Variants in SHISA5 observed in about 807,000 individuals in gnomAD.
The protein encoded by SHISA5 is shisa family member 5.
In SHISA5, 21 loss-of-function variants were observed where a neutral mutation model predicts 27.5. The ratio of observed to expected loss-of-function variants is 0.76; its 90% CI spans 0.54 to 1.10. The LOEUF (loss-of-function observed/expected upper bound fraction) is 1.10, where lower values mean the gene tolerates loss of function less well. Ranked by LOEUF, SHISA5 falls within the 50% of genes least tolerant of loss-of-function variation. SHISA5 has a pLI of 0.00. For synonymous variants in SHISA5, 137 were observed against 142.2 expected (o/e 0.96, Z 0.26); for missense variants, 314 against 336.3 (o/e 0.93, Z 0.52).
Position 48,500,475 on chromosome 3 carries a change from A to G in SHISA5, c.233+662T>C, listed in dbSNP as rs114502322. Reference sequence around the variant, plus strand: ...CATCTCACAAAAATAAATATGTAAGATAGCGGGGGTTGGTCTTGCCCAGAC... The same window carrying G: ...CATCTCACAAAAATAAATATGTAAGGTAGCGGGGGTTGGTCTTGCCCAGAC... On this transcript the variant is annotated intron_variant, in intron 2 of 5. Transcript: ENST00000296444. Among the ~76,000 whole-genome samples, 476 of 152,260 alleles carry G rather than the reference A, an allele frequency of 3.1e-3. 2 individuals carry two copies. Among genetic ancestry groups the G allele is most frequent in the African/African-American group, 0.011 (440 of 41,546 alleles).
intron 1 of SHISA5, 72 bp downstream of exon 1, chr3:48,503,947 G>C: frequency 7.1e-7 from 1 of 1,418,324 alleles, no homozygotes; most frequent in Non-Finnish European, 9.2e-7. Context: ...TGCCCGGCTC[G>C]TTGGAGAGGC....
intron 2 of SHISA5, among the ~76,000 whole-genome samples, chr3:48,484,645 A>C (rs1157788741): frequency 6.6e-6 from 1 of 151,896 alleles, no homozygotes; most frequent in Non-Finnish European, 1.5e-5. Context: ...TAATCCCAGC[A>C]CTTTGGGAGG....
intron 1 of SHISA5, chr3:48,502,590 G>C (rs565745413): frequency 8.6e-6 from 3 of 347,322 alleles, no homozygotes; most frequent in Admixed American, 7.4e-5. Flanking sequence ...ATGACCACAA[G>C]GTTTACAAAC....
At chr3:48,478,759 AC>A (rs1489945281) in intron 3 of SHISA5, among the ~76,000 whole-genome samples, 1 of 152,056 alleles carries the variant, frequency 6.6e-6, no homozygotes, top group Non-Finnish European at 1.5e-5. Context: ...GCTTGCCAGC[AC>A]CACCATCACC....
In SHISA5 at chr3:48,470,693, G is replaced by A. The variant is rs888770993; in HGVS notation, c.315-850C>T. Among the ~76,000 whole-genome samples the A allele has an allele frequency of 6.6e-5, 10 of 152,178 alleles. No homozygotes were observed. Among genetic ancestry groups the A allele is most frequent in the Admixed American group, 5.2e-4 (8 of 15,286 alleles). On this transcript the variant is annotated intron_variant, in intron 3 of 5. Transcript: ENST00000296444. The surrounding 1 kb of genome is among the most constrained non-coding windows in gnomAD (Gnocchi z 4.3). Reference sequence around the variant, plus strand: ...TGCAATCTCAGCACTTTGGGAGGCCGAGGAGGGCGGATCACCTGAGGTGAG... The same window carrying A: ...TGCAATCTCAGCACTTTGGGAGGCCAAGGAGGGCGGATCACCTGAGGTGAG...
chr3:48,479,595 AT>A (rs1018882641), intron 2 of SHISA5: 170 of 275,574 alleles, frequency 6.2e-4, no homozygotes, highest in South Asian at 1.0e-3. Context: ...GTTTATTATA[AT>A]TTTTTTTTGT....
At chr3:48,503,924 G>A (rs1163913400) in intron 1 of SHISA5, 95 bp downstream of exon 1, 2 of 1,373,424 alleles carry the variant, frequency 1.5e-6, no homozygotes, top group African/African-American at 3.0e-5. Flanking sequence ...GGGGGGCATA[G>A]TGGGGCTGGT....
Position 48,504,084 on chromosome 3 carries a change from G to A in SHISA5, c.11C>T (p.Pro4Leu), listed in dbSNP as rs893656363. 2.1e-5 allele frequency: 29 copies of A among 1,378,390 alleles called. 1 individual carries two copies. The African/African-American group carries it at 3.8e-4, about 18-fold the overall frequency. 85.4% of individuals were successfully genotyped at this position (1,378,390 alleles called of 1,614,324 possible). The change falls in exon 1 of 6, where the codon CCG (proline) becomes CTG (leucine). Residue 4 changes from proline (P) to leucine (L), a missense_variant. Physicochemically the swap from Pro to Leu is moderately conservative, Grantham distance 98. Coordinates refer to ENST00000296444, the MANE Select transcript of SHISA5 (RefSeq NM_016479.6). This position sits in a 1 kb window ranked among gnomAD's most constrained non-coding sequence, Gnocchi z 4.0. MTA[P>L]VPAPRILLPL... ...CAACAGGATCCGCGGCGCGGGGACC[G>A]GCGCAGTCATGGCTGGGCGGGCGGA...
chr3:48,479,396 GC>G (rs1443865042), intron 2 of SHISA5, 139 bp from the exon 3 acceptor site: 1 of 699,668 alleles, frequency 1.4e-6, no homozygotes, highest in Non-Finnish European at 2.4e-6. Flanking sequence ...GGTGGACTCT[GC>G]CCACACCGGG....
intron 3 of SHISA5, among the ~76,000 whole-genome samples, chr3:48,475,094 G>C (rs765639735): frequency 1.3e-5 from 2 of 152,098 alleles, no homozygotes; most frequent in Non-Finnish European, 2.9e-5. Context: ...CTAGCATATA[G>C]TGAGTGCTCA....
chr3:48,487,752 T>C (rs562784438), intron 2 of SHISA5, among the ~76,000 whole-genome samples: 1 of 152,178 alleles, frequency 6.6e-6, no homozygotes, highest in African/African-American at 2.4e-5. Flanking sequence ...AAAAATTATC[T>C]GGGCATGGTG....
intron 2 of SHISA5, among the ~76,000 whole-genome samples, chr3:48,491,317 A>C (rs1456521286): frequency 2.6e-5 from 4 of 151,884 alleles, no homozygotes; most frequent in Non-Finnish European, 4.4e-5. Flanking sequence ...ACGGGGTTTC[A>C]CCGTGTTAGC....
Position 48,473,529 on chromosome 3 carries a change from A to C in SHISA5, c.315-3686T>G. The C allele has an allele frequency of 1.6e-6, 2 of 1,288,052 alleles. No homozygotes were observed. The highest frequency in any genetic ancestry group is 2.0e-6 in the Non-Finnish European group (2 of 988,232). The allele number at this position is 1,288,052 out of a possible 1,614,324, so 79.8% of individuals were successfully genotyped here. A position where few individuals can be genotyped will look rare whatever the true frequency, so the allele number is the denominator to read the frequency against. On this transcript the variant is annotated intron_variant, in intron 3 of 5. Coordinates refer to ENST00000296444, the MANE Select transcript of SHISA5 (RefSeq NM_016479.6). The surrounding 1 kb of genome is among the most constrained non-coding windows in gnomAD (Gnocchi z 4.3). ...CTGGCTGACACACATGCAAGGAGCA[A>C]AGTCCAGCCTGTCCCTTTAGCTCCT... is the stretch of plus-strand genomic sequence containing the variant.
chr3:48,481,742 A>C (rs903534442), intron 2 of SHISA5, among the ~76,000 whole-genome samples: 1 of 151,290 alleles, frequency 6.6e-6, no homozygotes, highest in Non-Finnish European at 1.5e-5. Flanking sequence ...AGCCAAGATC[A>C]TGCCATTGCA....
chr3:48,471,317 C>T (rs1418581682), intron 3 of SHISA5, among the ~76,000 whole-genome samples: 1 of 152,112 alleles, frequency 6.6e-6, no homozygotes, highest in Non-Finnish European at 1.5e-5. Flanking sequence ...GGTGCGGTGG[C>T]TCATGCCTGT....
At chr3:48,487,917 A>C (rs571156420) in intron 2 of SHISA5, among the ~76,000 whole-genome samples, 88 of 152,298 alleles carry the variant, frequency 5.8e-4, no homozygotes, top group Middle Eastern at 6.8e-3. Context: ...CCAAACCAAA[A>C]CAAAACAAAA....
intron 2 of SHISA5, among the ~76,000 whole-genome samples, chr3:48,481,426 G>A (rs1009814393): frequency 7.4e-5 from 9 of 121,608 alleles, no homozygotes; most frequent in Non-Finnish European, 1.1e-4. Flanking sequence ...GCAATGGACC[G>A]AGACTCTGTC....
In SHISA5 at chr3:48,473,564, C is replaced by A. The variant is rs2040720611; in HGVS notation, c.315-3721G>T. The A allele has an allele frequency of 2.1e-5, 27 of 1,269,598 alleles. No homozygotes were observed. Among genetic ancestry groups the A allele is most frequent in the Admixed American group, 9.7e-5 (4 of 41,354 alleles). The allele number at this position is 1,269,598 out of a possible 1,614,324, so 78.6% of individuals were successfully genotyped here. On this transcript the variant is annotated intron_variant, in intron 3 of 5. Transcript: ENST00000296444. This position sits in a 1 kb window ranked among gnomAD's most constrained non-coding sequence, Gnocchi z 4.3. ...TGTCCCTTTAGCTCCTCCTCTCCCA[C>A]CAGCACTCTCTCCAATCTGTCTCCC...
chr3:48,499,541 G>A (rs1052669909), intron 2 of SHISA5, among the ~76,000 whole-genome samples: 2 of 151,140 alleles, frequency 1.3e-5, no homozygotes, highest in Non-Finnish European at 2.9e-5. Context: ...TAGGCCGGGC[G>A]TGGTGGCGGG....
Sources: allele counts gnomAD v4.1 joint callset (sites outside exome capture counted in the v4.1 genomes callset), GRCh38; gene constraint gnomAD v4.1.1; non-coding constraint Gnocchi (gnomAD v3.1); transcripts MANE v1.5; gene names NCBI Gene and HGNC (gene_info 2026-07-23, HGNC 2026-07-21).